The following A2M variants were observed in gnomAD, a reference collection of about 807,000 sequenced individuals.
A2M encodes alpha-2-macroglobulin, also known as C3 and PZP-like alpha-2-macroglobulin domain-containing protein 5.
Under a neutral mutation model 183.9 loss-of-function variants are expected in A2M, and 128 were observed. The observed-to-expected ratio is 0.70, with a 90% CI of 0.60 to 0.81. The LOEUF (loss-of-function observed/expected upper bound fraction) is 0.81, where lower values mean the gene tolerates loss of function less well. Ranked by LOEUF, A2M falls within the 30% of genes least tolerant of loss-of-function variation. The pLI, the probability that A2M is intolerant of heterozygous loss-of-function variation, is 0.00. For synonymous variants in A2M, 592 were observed against 670.8 expected, an observed-to-expected ratio of 0.88 and a Z score of 1.81; for missense variants, 1,495 against 1,787.6, an observed-to-expected ratio of 0.84 and a Z score of 2.95.
At chr12:9,081,776 A>C (rs1948913843) in intron 22 of A2M, among the ~76,000 whole-genome samples, 1 of 152,126 alleles carries the variant, frequency 6.6e-6, no homozygotes, top group South Asian at 2.1e-4. Context: ...CAGGAAGCCC[A>C]CTCTGGTCTC....
intron 22 of A2M, among the ~76,000 whole-genome samples, chr12:9,086,798 C>T (rs988219544): frequency 6.6e-6 from 1 of 152,028 alleles, no homozygotes; most frequent in Non-Finnish European, 1.5e-5. Context: ...AGCAATCAAA[C>T]ATGAAAAAGA....
intron 34 of A2M, 78 bp downstream of exon 34, chr12:9,068,662 A>G: frequency 3.5e-6 from 4 of 1,137,444 alleles, no homozygotes; most frequent in Non-Finnish European, 5.2e-6. Flanking sequence ...TGTAATAAAT[A>G]ACCCCAACAC....
rs893604404 is a variant in A2M at position 9,108,406 on chromosome 12, G to A, written c.759-762C>T. On this transcript the variant is annotated intron_variant, in intron 7 of 35. Transcript: ENST00000318602. ...CTCCCAAAGTGCTGGGATTACAGGC[G>A]TGAGCCACCACGCCGGGCCTGTTTA... Among the ~76,000 whole-genome samples, 6 of 152,160 alleles carry A rather than the reference G, an allele frequency of 3.9e-5. No individual in the cohort carries two copies. In the East Asian group the frequency reaches 7.7e-4, roughly 20 times the overall value.
chr12:9,086,992 CAAT>C (rs1004975736), intron 22 of A2M, among the ~76,000 whole-genome samples: 7 of 152,132 alleles, frequency 4.6e-5, no homozygotes, highest in African/African-American at 1.7e-4. Flanking sequence ...TGTTCACTAA[CAAT>C]GAATGATTGA....
chr12:9,069,315 G>A (rs971155562), intron 33 of A2M, among the ~76,000 whole-genome samples: 1 of 152,146 alleles, frequency 6.6e-6, no homozygotes, highest in African/African-American at 2.4e-5. Context: ...AAATCAGATT[G>A]GTTTACTGGT....
At chr12:9,069,681 C>T in intron 33 of A2M, 64 bp downstream of exon 33, 2 of 1,291,044 alleles carry the variant, frequency 1.5e-6, no homozygotes, top group African/African-American at 2.9e-5. Context: ...ATTTACCTTC[C>T]CAGATGTTCC....
intron 7 of A2M, among the ~76,000 whole-genome samples, chr12:9,107,963 C>T (rs1938432218): frequency 6.6e-6 from 1 of 151,472 alleles, no homozygotes. Context: ...CAAGACGAAA[C>T]AAACAAAACA....
intron 25 of A2M, among the ~76,000 whole-genome samples, chr12:9,078,096 A>T (rs766220458): frequency 9.3e-4 from 141 of 152,200 alleles, no homozygotes; most frequent in African/African-American, 3.3e-3. Flanking sequence ...TAGTTCCGAG[A>T]TACATGTGCA....
chr12:9,094,709 A>G (rs1949321427), intron 17 of A2M, among the ~76,000 whole-genome samples: 1 of 152,144 alleles, frequency 6.6e-6, no homozygotes, highest in Admixed American at 6.6e-5. Context: ...CTGATGGAGA[A>G]TGTAGTGTTG....
intron 2 of A2M, 86 bp downstream of exon 2, chr12:9,113,274 T>TC: frequency 7.0e-7 from 1 of 1,438,132 alleles, no homozygotes; most frequent in Non-Finnish European, 9.4e-7. Context: ...CTTACCAACC[T>TC]CCCAAAGCCT....
At chr12:9,076,316 C>T (rs1288121583) in intron 28 of A2M, among the ~76,000 whole-genome samples, 1 of 152,186 alleles carries the variant, frequency 6.6e-6, no homozygotes, top group Admixed American at 6.5e-5. Context: ...ATTACAACAG[C>T]TCTGTGAGGT....
intron 28 of A2M, among the ~76,000 whole-genome samples, chr12:9,076,095 T>C (rs1948741426): frequency 1.3e-5 from 2 of 152,208 alleles, no homozygotes; most frequent in Admixed American, 1.3e-4. Context: ...TGGTCAACAT[T>C]ATTGGTCTTA....
chr12:9,072,335 G>A (rs993502223), intron 31 of A2M, 24 bp downstream of exon 31: 37 of 1,612,092 alleles, frequency 2.3e-5, no homozygotes, highest in Non-Finnish European at 3.1e-5. Context: ...CTTAGGATTA[G>A]GTGATAGAGT....
At chr12:9,097,280 A>T (rs55817020) in intron 15 of A2M, among the ~76,000 whole-genome samples, 24,588 of 152,108 alleles carry the variant, frequency 0.16, 2,126 homozygotes, top group Middle Eastern at 0.21. Context: ...AGTAAGAAAC[A>T]TTTTTTTATA....
At chr12:9,077,663 A>G in intron 26 of A2M, 38 bp downstream of exon 26, 1 of 1,607,978 alleles carries the variant, frequency 6.2e-7, no homozygotes, top group Non-Finnish European at 8.5e-7. Context: ...TGCAGATATC[A>G]TAATGGACAA....
intron 10 of A2M, among the ~76,000 whole-genome samples, chr12:9,104,895 G>C (rs904876787): frequency 6.6e-6 from 1 of 152,136 alleles, no homozygotes; most frequent in African/African-American, 2.4e-5. Context: ...AGTCTCATAA[G>C]TGCACAAGTA....
At chr12:9,093,415 T>A in intron 18 of A2M, 50 bp downstream of exon 18, 1 of 1,275,446 alleles carries the variant, frequency 7.8e-7, no homozygotes. Flanking sequence ...GAGTTGAAAA[T>A]AGTCAGGGAC....
At chr12:9,071,765 T>C (rs1412122739) in intron 31 of A2M, among the ~76,000 whole-genome samples, 1 of 152,202 alleles carries the variant, frequency 6.6e-6, no homozygotes, top group Non-Finnish European at 1.5e-5. Flanking sequence ...CCTGCAAAGG[T>C]CATGATCTCA....
chr12:9,112,633 A>G (rs943441887), intron 2 of A2M, 97 bp from the exon 3 acceptor site: 3 of 1,306,760 alleles, frequency 2.3e-6, no homozygotes, highest in Non-Finnish European at 3.2e-6. Flanking sequence ...TGCCCTTCTT[A>G]CTTAACTTCA....
Sources: allele counts gnomAD v4.1 joint callset (sites outside exome capture counted in the v4.1 genomes callset), GRCh38; gene constraint gnomAD v4.1.1; transcripts MANE v1.5; gene names NCBI Gene and HGNC (gene_info 2026-07-23, HGNC 2026-07-21).